The following SUSD6 variants were observed in gnomAD, a reference collection of about 807,000 sequenced individuals.
SUSD6 encodes the protein sushi domain-containing protein 6.
Under a neutral mutation model 28.4 loss-of-function variants are expected in SUSD6, and 16 were observed. That is an observed-to-expected ratio of 0.56 (90% CI 0.38 to 0.86). The LOEUF (loss-of-function observed/expected upper bound fraction) is 0.86. Ranked by LOEUF, SUSD6 falls within the 40% of genes least tolerant of loss-of-function variation. The probability of loss-of-function intolerance (pLI) is 0.00; values close to 1 mark genes in which losing one functional copy is unlikely to be tolerated. For missense variants in SUSD6, 341 were observed against 384.2 expected (o/e 0.89, Z 0.94); for synonymous variants, 147 against 159.6 (o/e 0.92, Z 0.59).
chr14:69,660,096 A>G (rs1438809172), intron 2 of SUSD6, among the ~76,000 whole-genome samples: 4 of 152,198 alleles, frequency 2.6e-5, no homozygotes, highest in Non-Finnish European at 4.4e-5. Flanking sequence ...GGATCTCAGA[A>G]CTAGATCCTG....
chr14:69,616,531 T>C (rs1884961678), intron 1 of SUSD6, among the ~76,000 whole-genome samples: 1 of 152,216 alleles, frequency 6.6e-6, no homozygotes, highest in African/African-American at 2.4e-5. Context: ...CTCAGCAAAC[T>C]AAGTGGACGG....
At chr14:69,622,839 C>T (rs1885061385) in intron 1 of SUSD6, among the ~76,000 whole-genome samples, 1 of 152,144 alleles carries the variant, frequency 6.6e-6, no homozygotes, top group Non-Finnish European at 1.5e-5. Context: ...AGTGATCTGC[C>T]CACTTTGGCC....
chr14:69,676,624 G>A (rs1396279324), intron 2 of SUSD6, among the ~76,000 whole-genome samples: 1 of 152,168 alleles, frequency 6.6e-6, no homozygotes, highest in African/African-American at 2.4e-5. Flanking sequence ...TGAACTCTTA[G>A]GCTCAAGCAG....
intron 2 of SUSD6, among the ~76,000 whole-genome samples, chr14:69,694,074 A>G (rs1404807522): frequency 8.0e-6 from 1 of 124,844 alleles, no homozygotes; most frequent in Non-Finnish European, 1.8e-5. Context: ...CTCCTGGATT[A>G]TTTGTCAGGT....
At position 69,654,044 on chromosome 14, in the gene SUSD6, C is replaced by T. The variant is rs2139611208; in HGVS notation, c.-80-4469C>T. On this transcript the variant is annotated intron_variant, in intron 1 of 5. Coordinates refer to ENST00000342745, the MANE Select transcript of SUSD6 (RefSeq NM_014734.4). Reference sequence around the variant, plus strand: ...TTGCAAAGCCCTCATTTCCATCACCCCGTCTGTTCTGCACCTGTCCCGTCT... The same window carrying T: ...TTGCAAAGCCCTCATTTCCATCACCTCGTCTGTTCTGCACCTGTCCCGTCT... Among the ~76,000 whole-genome samples the T allele has an allele frequency of 3.9e-5, 6 of 152,296 alleles. No homozygotes were observed. In the South Asian group the frequency reaches 1.2e-3, roughly 32 times the overall value.
intron 1 of SUSD6, among the ~76,000 whole-genome samples, chr14:69,647,854 G>A (rs1033499853): frequency 6.6e-6 from 1 of 152,036 alleles, no homozygotes; most frequent in Non-Finnish European, 1.5e-5. Context: ...GCTTGGTGGC[G>A]CACACCTGTA....
At chr14:69,704,527 A>G in intron 3 of SUSD6, 77 bp from the exon 4 acceptor site, 1 of 1,455,704 alleles carries the variant, frequency 6.9e-7, no homozygotes, top group East Asian at 2.3e-5. Context: ...GGCATTTGAC[A>G]AGATCAGCTG....
intron 2 of SUSD6, among the ~76,000 whole-genome samples, chr14:69,701,197 G>A (rs147193039): frequency 6.6e-6 from 1 of 151,280 alleles, no homozygotes; most frequent in East Asian, 1.9e-4. Context: ...TCACTTCTTT[G>A]CAGTCCTCAC....
chr14:69,630,639 A>C (rs1324255225), intron 1 of SUSD6, among the ~76,000 whole-genome samples: 2 of 152,132 alleles, frequency 1.3e-5, no homozygotes, highest in African/African-American at 4.8e-5. Context: ...AGACCCAGGC[A>C]GCGTGCTTCA....
intron 2 of SUSD6, among the ~76,000 whole-genome samples, chr14:69,677,317 G>A (rs918634656): frequency 1.3e-5 from 2 of 152,114 alleles, no homozygotes; most frequent in African/African-American, 2.4e-5. Flanking sequence ...AGGCCGAGGC[G>A]GGTGGATCAC....
chr14:69,627,964 C>T (rs562991589), intron 1 of SUSD6, among the ~76,000 whole-genome samples: 12 of 150,794 alleles, frequency 8.0e-5, no homozygotes, highest in East Asian at 2.0e-4. Flanking sequence ...GATGGAGTCT[C>T]GCTCTGTCAC....
At chr14:69,676,086 G>A (rs1001112079) in intron 2 of SUSD6, among the ~76,000 whole-genome samples, 27 of 152,174 alleles carry the variant, frequency 1.8e-4, no homozygotes. Flanking sequence ...GAAAAGATAA[G>A]ACAATTCATC....
At chr14:69,709,308 G>T (rs1034238182) in intron 5 of SUSD6, among the ~76,000 whole-genome samples, 1 of 152,150 alleles carries the variant, frequency 6.6e-6, no homozygotes, top group Non-Finnish European at 1.5e-5. Context: ...TTTCACTGAC[G>T]CCTGTGAATT....
At chr14:69,631,790 G>T (rs1885198913) in intron 1 of SUSD6, among the ~76,000 whole-genome samples, 2 of 152,158 alleles carry the variant, frequency 1.3e-5, no homozygotes, top group Non-Finnish European at 2.9e-5. Context: ...CCATCCCTAG[G>T]AAGCCTAACA....
At chr14:69,643,337 A>G (rs555451721) in intron 1 of SUSD6, among the ~76,000 whole-genome samples, 1 of 152,334 alleles carries the variant, frequency 6.6e-6, no homozygotes, top group East Asian at 1.9e-4. Flanking sequence ...ATCTTATGGT[A>G]ATTCAGCCAG....
chr14:69,630,480 A>G (rs1885177217), intron 1 of SUSD6, among the ~76,000 whole-genome samples: 1 of 152,224 alleles, frequency 6.6e-6, no homozygotes, highest in South Asian at 2.1e-4. Flanking sequence ...TTGGAGAGTA[A>G]TACAATTGAA....
chr14:69,621,395 C>T (rs951908164), intron 1 of SUSD6, among the ~76,000 whole-genome samples: 2 of 152,140 alleles, frequency 1.3e-5, no homozygotes, highest in South Asian at 4.1e-4. Context: ...ACCAAGTTCA[C>T]CCTGTCTGGT....
At chr14:69,694,863 G>T (rs1200631851) in intron 2 of SUSD6, among the ~76,000 whole-genome samples, 1 of 152,194 alleles carries the variant, frequency 6.6e-6, no homozygotes, top group African/African-American at 2.4e-5. Flanking sequence ...GTCAGTTGCT[G>T]ATCTTCCGAG....
At chr14:69,631,807 G>C (rs901866137) in intron 1 of SUSD6, among the ~76,000 whole-genome samples, 1 of 152,178 alleles carries the variant, frequency 6.6e-6, no homozygotes, top group African/African-American at 2.4e-5. Context: ...AACACAGGGC[G>C]CTGGGAAATG....
Sources: allele counts gnomAD v4.1 joint callset (sites outside exome capture counted in the v4.1 genomes callset), GRCh38; gene constraint gnomAD v4.1.1; transcripts MANE v1.5; gene names NCBI Gene and HGNC (gene_info 2026-07-23, HGNC 2026-07-21).